Variants in EIF4G3 observed in about 807,000 individuals in gnomAD.
The protein encoded by EIF4G3 is eukaryotic translation initiation factor 4 gamma 3.
In EIF4G3, 34 loss-of-function variants were observed where a neutral mutation model predicts 186.4. The observed-to-expected ratio is 0.18, with a 90% CI of 0.14 to 0.24. EIF4G3 has a LOEUF of 0.24. Ranked by LOEUF, EIF4G3 falls within the 10% of genes least tolerant of loss-of-function variation. The pLI, the probability that EIF4G3 is intolerant of heterozygous loss-of-function variation, is 1.00. For synonymous variants in EIF4G3, 673 were observed against 679.5 expected (o/e 0.99, Z 0.15); for missense variants, 1,536 against 1,948.5 (o/e 0.79, Z 3.99).
At chr1:20,951,598 T>C (rs1284012087) in intron 12 of EIF4G3, among the ~76,000 whole-genome samples, 2 of 152,036 alleles carry the variant, frequency 1.3e-5, no homozygotes, top group Non-Finnish European at 2.9e-5. Flanking sequence ...TGAAAAGAGA[T>C]CTGGAACAAA....
At chr1:21,046,042 G>C (rs1046770128) in intron 4 of EIF4G3, among the ~76,000 whole-genome samples, 1 of 152,178 alleles carries the variant, frequency 6.6e-6, no homozygotes, top group Non-Finnish European at 1.5e-5. Context: ...CTCTAAATTA[G>C]AGAGTCTCTT....
At chr1:21,062,862 A>G (rs1200093689) in intron 3 of EIF4G3, among the ~76,000 whole-genome samples, 1 of 152,162 alleles carries the variant, frequency 6.6e-6, no homozygotes, top group Non-Finnish European at 1.5e-5. Flanking sequence ...AAGTGCTAGG[A>G]TTACAGGCGT....
chr1:20,807,439 G>A lies in EIF4G3; in HGVS notation c.4806C>T (p.Phe1602=), dbSNP rs1471208433. 2 of 1,612,038 alleles carry A rather than the reference G, an allele frequency of 1.2e-6. No individual in the cohort carries two copies. The highest frequency in any genetic ancestry group is 3.3e-5 in the Admixed American group (2 of 59,950). ...YDEEVISEDA[F]YKWESSKDPA... ...GGTCCTTGCTGCTCTCCCATTTGTA[G>A]AAGGCATCCTCGGAGATCACCTCCT... Residue 1602 remains phenylalanine, a synonymous_variant, in exon 37 of 37, where the codon TTC becomes TTT. Coordinates refer to ENST00000602326, the MANE Select transcript of EIF4G3 (RefSeq NM_001391906.1).
intron 27 of EIF4G3, 129 bp from the exon 28 acceptor site, chr1:20,851,607 AG>A: frequency 1.3e-6 from 1 of 755,148 alleles, no homozygotes. Flanking sequence ...TAGATGTGTG[AG>A]GCACCAATTA....
chr1:21,052,378 T>C (rs1330851647), intron 3 of EIF4G3, among the ~76,000 whole-genome samples: 3 of 152,230 alleles, frequency 2.0e-5, no homozygotes, highest in Non-Finnish European at 4.4e-5. Flanking sequence ...CCTTAAGGAA[T>C]AGTTCTTAAA....
In EIF4G3 at chr1:21,003,484, T is replaced by C. The variant is rs12069146; in HGVS notation, c.-66-676A>G. The C allele has an allele frequency of 3.2e-3, 579 of 182,054 alleles. 4 individuals are homozygous for C. The highest frequency in any genetic ancestry group is 0.013 in the African/African-American group (554 of 41,846). The allele number at this position is 182,054 out of a possible 1,614,324, so 11.3% of individuals were successfully genotyped here. A position where few individuals can be genotyped will look rare whatever the true frequency, so the allele number is the denominator to read the frequency against. ...ACATTAGCAATCCAAAATCTAGGTG[T>C]AACCATTTTTCCTTTTTTGTGCATT... On this transcript the variant is annotated intron_variant, in intron 4 of 36. Coordinates refer to ENST00000602326, the MANE Select transcript of EIF4G3 (RefSeq NM_001391906.1).
At chr1:21,148,749 A>G (rs915790279) in intron 2 of EIF4G3, among the ~76,000 whole-genome samples, 2 of 151,276 alleles carry the variant, frequency 1.3e-5, no homozygotes, top group East Asian at 3.9e-4. Context: ...AATCCCTGCA[A>G]CTCGAGAGGC....
intron 14 of EIF4G3, among the ~76,000 whole-genome samples, chr1:20,933,577 C>A (rs1009419947): frequency 2.6e-5 from 4 of 151,994 alleles, no homozygotes; most frequent in Non-Finnish European, 5.9e-5. Context: ...ATCACTTGAA[C>A]CTGGGAGGCG....
At chr1:21,024,175 G>A (rs1322886018) in intron 4 of EIF4G3, among the ~76,000 whole-genome samples, 1 of 147,184 alleles carries the variant, frequency 6.8e-6, no homozygotes, top group Non-Finnish European at 1.5e-5. Flanking sequence ...GTGGGGGGGG[G>A]TCAGCCCCCC....
At chr1:21,117,736 T>TAAAAAAAAAAAAAAAAA (rs71014156) in intron 2 of EIF4G3, among the ~76,000 whole-genome samples, 14 of 73,084 alleles carry the variant, frequency 1.9e-4, no homozygotes, top group East Asian at 5.7e-4. Flanking sequence ...CAGTATATAG[T>TAAAAAAAAAAAAAAAAA]AAAAAAAAAA....
intron 26 of EIF4G3, among the ~76,000 whole-genome samples, chr1:20,854,414 G>A (rs2074244906): frequency 6.6e-6 from 1 of 151,888 alleles, no homozygotes; most frequent in African/African-American, 2.4e-5. Flanking sequence ...TAAGGTCTTA[G>A]TGGCTGAGTG....
chr1:20,971,741 C>A (rs1158739351), intron 11 of EIF4G3, among the ~76,000 whole-genome samples: 1 of 152,228 alleles, frequency 6.6e-6, no homozygotes, highest in Non-Finnish European at 1.5e-5. Context: ...TCAAGTGATT[C>A]TCGTGCCTCA....
intron 2 of EIF4G3, among the ~76,000 whole-genome samples, chr1:21,134,393 G>C (rs927860751): frequency 2.6e-5 from 4 of 152,298 alleles, no homozygotes; most frequent in Admixed American, 6.5e-5. Flanking sequence ...GGCTGGCCAG[G>C]TGTGGTGGCT....
Position 20,899,896 on chromosome 1 carries a change from T to C in EIF4G3, c.1800A>G (p.Glu600=), listed in dbSNP as rs891795113. ...ELSIDKVLES[E]QDKMSQGFHP... The stretch of plus-strand genomic sequence containing the variant: ...GAAACCCCTGGCTCATTTTATCTTG[T>C]TCAGATTCAAGTACTTTGTCAATGG... The change falls in exon 16 of 37, where the codon GAA becomes GAG. Residue 600 remains glutamate (E), a synonymous_variant. Coordinates refer to ENST00000602326, the MANE Select transcript of EIF4G3 (RefSeq NM_001391906.1). 1 of 1,613,878 alleles carries C rather than the reference T, an allele frequency of 6.2e-7. No homozygotes were observed. Among genetic ancestry groups the C allele is most frequent in the Non-Finnish European group, 8.5e-7 (1 of 1,179,976 alleles).
rs545553802 is a variant in EIF4G3 at position 20,975,703 on chromosome 1, A to C, written c.494-2604T>G. On this transcript the variant is annotated intron_variant, in intron 10 of 36. Transcript: ENST00000602326. ...ATTTTTATTCCACTAGAAATGAGTA[A>C]TTTTTACATACCATTTATTAATTAG... is the stretch of plus-strand genomic sequence containing the variant. 2.0e-5 allele frequency among the ~76,000 whole-genome samples: 3 copies of C among 151,612 alleles called. No individual in the cohort carries two copies. In the East Asian group the frequency reaches 5.8e-4, roughly 29 times the overall value.
chr1:20,915,886 G>A (rs1015291307), intron 14 of EIF4G3, among the ~76,000 whole-genome samples: 1 of 152,146 alleles, frequency 6.6e-6, no homozygotes, highest in Non-Finnish European at 1.5e-5. Flanking sequence ...GAAATAAAGG[G>A]TGCATCCAGC....
At chr1:20,964,434 C>T (rs1410879755) in intron 12 of EIF4G3, among the ~76,000 whole-genome samples, 1 of 152,104 alleles carries the variant, frequency 6.6e-6, no homozygotes, top group Non-Finnish European at 1.5e-5. Flanking sequence ...ATGCATATTT[C>T]CTAAATATGT....
intron 20 of EIF4G3, among the ~76,000 whole-genome samples, chr1:20,872,650 C>T (rs542482955): frequency 2.0e-5 from 3 of 151,444 alleles, no homozygotes; most frequent in South Asian, 4.2e-4. Flanking sequence ...TTCCAAAGCA[C>T]ATCCACAACC....
At position 21,087,672 on chromosome 1, in the gene EIF4G3, C is replaced by T. The variant is rs374571855; in HGVS notation, c.-196+1466G>A. Reference sequence around the variant, plus strand: ...TTTTTGAGACGGAGTCTCGCTCTGTCGCCCAGGCTGGAGTGCAGTGGCACG... The same window carrying T: ...TTTTTGAGACGGAGTCTCGCTCTGTTGCCCAGGCTGGAGTGCAGTGGCACG... On this transcript the variant is annotated intron_variant, in intron 3 of 36. Coordinates refer to ENST00000602326, the MANE Select transcript of EIF4G3 (RefSeq NM_001391906.1). Among the ~76,000 whole-genome samples the T allele has an allele frequency of 5.5e-4, 83 of 152,012 alleles. 2 individuals carry two copies. The East Asian group carries it at 0.013, about 23-fold the overall frequency.
Sources: allele counts gnomAD v4.1 joint callset (sites outside exome capture counted in the v4.1 genomes callset), GRCh38; gene constraint gnomAD v4.1.1; transcripts MANE v1.5; gene names NCBI Gene and HGNC (gene_info 2026-07-23, HGNC 2026-07-21).